Variants in FAM184B observed in about 807,000 individuals in gnomAD.
FAM184B encodes the protein protein FAM184B.
FAM184B carries 111 observed loss-of-function variants against 135.9 expected under a neutral mutation model. The ratio of observed to expected loss-of-function variants is 0.82; its 90% confidence interval spans 0.70 to 0.96. The LOEUF is 0.96. FAM184B is among the 40% of genes least tolerant of loss of function. The pLI is 0.00. For missense variants in FAM184B, 1,375 were observed against 1,323.9 expected (o/e 1.04, Z -0.60); for synonymous variants, 552 against 524.8 (o/e 1.05, Z -0.71).
In FAM184B at chr4:17,647,779, T is replaced by A; in HGVS notation, c.2204A>T (p.Gln735Leu). The A allele has an allele frequency of 6.5e-7, 1 of 1,550,310 alleles. No individual in the cohort carries two copies. ...GGCAGCTTGCTGCTCCGACAGCTCC[T>A]GTCTGAGCGACTCTGGAAAAGGGAG... Reference protein sequence around the residue: ...QQALLLESLRQELSEQQAACS... With the variant: ...QQALLLESLRLELSEQQAACS... Residue 735 changes from glutamine to leucine, a missense_variant, in exon 12 of 18, where the codon CAG becomes CTG. Transcript: ENST00000265018.
chr4:17,653,436 T>C (rs78127902), intron 10 of FAM184B, among the ~76,000 whole-genome samples: 3,567 of 152,298 alleles, frequency 0.023, 119 homozygotes, highest in African/African-American at 0.077. Flanking sequence ...CAGAATGACA[T>C]AGGGAAGGGT....
intron 7 of FAM184B, among the ~76,000 whole-genome samples, chr4:17,670,989 T>G (rs950981168): frequency 1.3e-5 from 2 of 152,178 alleles, no homozygotes; most frequent in African/African-American, 2.4e-5. Flanking sequence ...AGAGGAGTAA[T>G]GTCAGCAACA....
intron 16 of FAM184B, chr4:17,634,105 A>C: frequency 2.7e-6 from 1 of 372,386 alleles, no homozygotes; most frequent in Non-Finnish European, 4.7e-6. Context: ...CTTAACCAAA[A>C]CTTCTGGAGA....
chr4:17,672,533 T>C (rs1288218636), intron 7 of FAM184B, among the ~76,000 whole-genome samples: 1 of 152,196 alleles, frequency 6.6e-6, no homozygotes, highest in Non-Finnish European at 1.5e-5. Context: ...ATGGCTTTTA[T>C]CGCATTGAGG....
chr4:17,634,959 C>T (rs371383137), intron 16 of FAM184B, 50 bp downstream of exon 16: 66 of 1,352,890 alleles, frequency 4.9e-5, no homozygotes, highest in Middle Eastern at 1.8e-4. Flanking sequence ...TTAAGAAAAA[C>T]GAAACCAATG....
rs144693937 is a variant in FAM184B, at chr4:17,730,276, A to G, written c.142-20632T>C. Among the ~76,000 whole-genome samples, 801 of 152,356 alleles carry G rather than the reference A, an allele frequency of 5.3e-3. 7 individuals carry two copies. Among genetic ancestry groups the G allele is most frequent in the African/African-American group, 0.018 (752 of 41,592 alleles). ...AATATGGGACTATGTGAAAAGGCCA[A>G]ATCTACATCTGATTGGTGTACCTGA... is the stretch of plus-strand genomic sequence containing the variant. On this transcript the variant is annotated intron_variant, in intron 1 of 17. Transcript: ENST00000265018.
intron 11 of FAM184B, among the ~76,000 whole-genome samples, chr4:17,649,175 G>A (rs1715541565): frequency 6.6e-6 from 1 of 152,166 alleles, no homozygotes; most frequent in Admixed American, 6.5e-5. Context: ...AGTGAAAATG[G>A]ATGAGGTGAT....
chr4:17,730,312 G>A (rs577954816), intron 1 of FAM184B, among the ~76,000 whole-genome samples: 173 of 152,302 alleles, frequency 1.1e-3, no homozygotes, highest in Non-Finnish European at 1.0e-3. Flanking sequence ...AAGTGACGGG[G>A]AGAATGGAAC....
At chr4:17,643,428 A>C (rs953959615) in intron 12 of FAM184B, among the ~76,000 whole-genome samples, 2 of 152,098 alleles carry the variant, frequency 1.3e-5, no homozygotes, top group Non-Finnish European at 2.9e-5. Context: ...GGCAAAGGTG[A>C]GGGCTGGTGC....
intron 6 of FAM184B, among the ~76,000 whole-genome samples, chr4:17,688,838 T>G (rs957382102): frequency 1.3e-5 from 2 of 151,940 alleles, no homozygotes; most frequent in Non-Finnish European, 2.9e-5. Flanking sequence ...ACTACAGGTA[T>G]GCACCACCAC....
At chr4:17,661,830 G>A (rs890986725) in intron 8 of FAM184B, among the ~76,000 whole-genome samples, 3 of 152,092 alleles carry the variant, frequency 2.0e-5, no homozygotes. Context: ...GAGAGGGGAG[G>A]GGGCTGAACT....
At chr4:17,752,321 G>T (rs1039465069) in intron 1 of FAM184B, among the ~76,000 whole-genome samples, 2 of 152,130 alleles carry the variant, frequency 1.3e-5, no homozygotes, top group Non-Finnish European at 2.9e-5. Flanking sequence ...TAGGGAAATG[G>T]GTGGATGGGT....
chr4:17,658,228 A>G (rs766957527), intron 10 of FAM184B, 122 bp downstream of exon 10: 10 of 942,510 alleles, frequency 1.1e-5, no homozygotes, highest in Non-Finnish European at 1.6e-5. Context: ...GAATACAATA[A>G]TAACAATCTG....
rs140052790 is a variant in FAM184B at position 17,699,329 on chromosome 4, T to A, written c.1377+5671A>T. ...AGAAATGGCCATAAAATTTCCAAATTTCATGAAAACTGTAAACTCATAGAT... is the reference window on the plus strand; with the variant it reads ...AGAAATGGCCATAAAATTTCCAAATATCATGAAAACTGTAAACTCATAGAT... On this transcript the variant is annotated intron_variant, in intron 5 of 17. Transcript: ENST00000265018. 5.9e-3 allele frequency among the ~76,000 whole-genome samples: 898 copies of A among 152,046 alleles called. 7 individuals carry two copies. The highest frequency in any genetic ancestry group is 0.021 in the African/African-American group (866 of 41,502).
chr4:17,679,177 A>G (rs2108951666), intron 7 of FAM184B, among the ~76,000 whole-genome samples: 1 of 152,344 alleles, frequency 6.6e-6, no homozygotes, highest in South Asian at 2.1e-4. Flanking sequence ...AGATAAATAG[A>G]TTGGACTTCA....
intron 1 of FAM184B, among the ~76,000 whole-genome samples, chr4:17,738,696 C>T (rs1356744894): frequency 2.0e-5 from 3 of 152,034 alleles, no homozygotes; most frequent in African/African-American, 4.8e-5. Context: ...GATGCTTGTC[C>T]CCTCCAAATC....
intron 1 of FAM184B, among the ~76,000 whole-genome samples, chr4:17,763,580 G>A (rs1250460802): frequency 7.3e-5 from 9 of 123,928 alleles, no homozygotes; most frequent in Non-Finnish European, 1.4e-4. Flanking sequence ...GCGTGAAGAG[G>A]CTTTGCAAGA....
At chr4:17,713,180 T>C (rs1577272642) in intron 1 of FAM184B, among the ~76,000 whole-genome samples, 1 of 152,192 alleles carries the variant, frequency 6.6e-6, no homozygotes, top group Admixed American at 6.5e-5. Flanking sequence ...TAAAAATTAT[T>C]ATGCGAATGA....
intron 14 of FAM184B, 78 bp downstream of exon 14, chr4:17,639,172 G>T: frequency 7.2e-7 from 1 of 1,389,878 alleles, no homozygotes; most frequent in Non-Finnish European, 9.9e-7. Flanking sequence ...GGAAATCCCA[G>T]GGTCATTGGG....
Sources: gnomAD v4.1 joint callset for allele counts (sites outside exome capture counted in the v4.1 genomes callset) on GRCh38, gnomAD v4.1.1 for gene constraint, MANE v1.5 for transcripts, NCBI Gene and HGNC (gene_info 2026-07-23, HGNC 2026-07-21) for gene names.